Variants in ARHGEF7 observed in about 807,000 individuals in gnomAD.
The protein encoded by ARHGEF7 is Rho guanine nucleotide exchange factor 7.
Under a neutral mutation model 109.8 loss-of-function variants are expected in ARHGEF7, and 33 were observed. That is an observed-to-expected ratio of 0.30 (90% CI 0.23 to 0.40). The LOEUF (loss-of-function observed/expected upper bound fraction) is 0.40, where lower values mean the gene tolerates loss of function less well. Ranked by LOEUF, ARHGEF7 falls within the 10% of genes least tolerant of loss-of-function variation. ARHGEF7 has a pLI of 1.00. For missense variants in ARHGEF7, 938 were observed against 1,098.5 expected (o/e 0.85, Z 2.07); for synonymous variants, 458 against 424.6 (o/e 1.08, Z -0.97).
At chr13:111,298,644 G>T (rs1390601085) in intron 19 of ARHGEF7, among the ~76,000 whole-genome samples, 1 of 152,236 alleles carries the variant, frequency 6.6e-6, no homozygotes, top group Admixed American at 6.5e-5. Flanking sequence ...ATCATATCTT[G>T]CAGTCCTGTC....
intron 9 of ARHGEF7, among the ~76,000 whole-genome samples, chr13:111,271,296 A>G (rs2092126189): frequency 6.6e-6 from 1 of 152,174 alleles, no homozygotes; most frequent in East Asian, 1.9e-4. Context: ...TAGTGGCTGC[A>G]GCAGATGGGA....
At chr13:111,153,213 C>T (rs928797299) in intron 1 of ARHGEF7, among the ~76,000 whole-genome samples, 1 of 152,266 alleles carries the variant, frequency 6.6e-6, no homozygotes, top group African/African-American at 2.4e-5. Flanking sequence ...CAGGTTCTCT[C>T]CCAACGATCA....
intron 1 of ARHGEF7, among the ~76,000 whole-genome samples, chr13:111,130,361 G>A (rs948008566): frequency 4.6e-5 from 7 of 152,118 alleles, no homozygotes; most frequent in Non-Finnish European, 7.4e-5. Flanking sequence ...ACCTCAATAC[G>A]GCATATGACA....
Position 111,301,615 on chromosome 13 carries a change from G to A in ARHGEF7, c.2466+83G>A, listed in dbSNP as rs1417279100. ...AAATTACATTAAAAATAAGCTGGCT[G>A]GGTACGGTGGCTCACACCTATAATC... On this transcript the variant is annotated intron_variant, in intron 21 of 21. Transcript: ENST00000646102. The A allele has an allele frequency of 7.6e-6, 9 of 1,186,810 alleles. No homozygotes were observed. The Admixed American group carries it at 1.6e-4, about 21-fold the overall frequency. The allele number at this position is 1,186,810 out of a possible 1,614,324, so 73.5% of individuals were successfully genotyped here.
chr13:111,247,798 C>T (rs887050371), intron 8 of ARHGEF7, among the ~76,000 whole-genome samples: 10 of 152,152 alleles, frequency 6.6e-5, no homozygotes, highest in African/African-American at 2.4e-4. Context: ...ACTACAGTGG[C>T]AGCAGTGGAG....
chr13:111,220,948 A>T (rs939673863), intron 5 of ARHGEF7, among the ~76,000 whole-genome samples: 4 of 47,408 alleles, frequency 8.4e-5, no homozygotes, highest in Non-Finnish European at 2.5e-4. Flanking sequence ...TTCTCCTGTT[A>T]GTTATATATA....
At chr13:111,118,543 G>A (rs975518931) in intron 1 of ARHGEF7, among the ~76,000 whole-genome samples, 3 of 152,112 alleles carry the variant, frequency 2.0e-5, no homozygotes, top group Non-Finnish European at 4.4e-5. Context: ...GAGGGGTCAG[G>A]ATGTTTGGCT....
At chr13:111,292,037 A>G in intron 18 of ARHGEF7, 81 bp from the exon 19 acceptor site, 2 of 1,199,862 alleles carry the variant, frequency 1.7e-6, no homozygotes, top group Middle Eastern at 2.8e-4. Context: ...CTTTTGTTCC[A>G]TGTTTTGGTT....
At chr13:111,287,904 A>C (rs1346228402) in intron 17 of ARHGEF7, among the ~76,000 whole-genome samples, 1 of 152,256 alleles carries the variant, frequency 6.6e-6, no homozygotes, top group African/African-American at 2.4e-5. Flanking sequence ...GGCCACGTCG[A>C]CACTGAGAGT....
chr13:111,238,187 G>A (rs2087103191), intron 6 of ARHGEF7, among the ~76,000 whole-genome samples: 1 of 152,202 alleles, frequency 6.6e-6, no homozygotes, highest in Non-Finnish European at 1.5e-5. Flanking sequence ...TTGTTGTGTA[G>A]GTAGTTCAGA....
chr13:111,286,339 C>A, intron 17 of ARHGEF7, 99 bp downstream of exon 17: 2 of 976,368 alleles, frequency 2.0e-6, no homozygotes, highest in Non-Finnish European at 3.2e-6. Flanking sequence ...TTTCTGAAGA[C>A]TCCAAACAAA....
chr13:111,216,782 C>G (rs1011393671), intron 4 of ARHGEF7, among the ~76,000 whole-genome samples: 2 of 152,184 alleles, frequency 1.3e-5, no homozygotes, highest in Non-Finnish European at 2.9e-5. Context: ...TGTGCCGGCA[C>G]GAGCAGGCTT....
intron 2 of ARHGEF7, among the ~76,000 whole-genome samples, chr13:111,204,658 A>G (rs989707619): frequency 2.0e-5 from 3 of 152,114 alleles, no homozygotes; most frequent in Non-Finnish European, 2.9e-5. Context: ...TCGTGGTCCC[A>G]GGGCTCTAGA....
intron 1 of ARHGEF7, chr13:111,144,651 C>A (rs769734186): frequency 6.6e-6 from 1 of 152,196 alleles, no homozygotes; most frequent in South Asian, 2.1e-4. Flanking sequence ...GCTAAGCGGA[C>A]TTCTAGAAGG....
At chr13:111,202,882 C>T (rs2081360270) in intron 2 of ARHGEF7, among the ~76,000 whole-genome samples, 1 of 152,232 alleles carries the variant, frequency 6.6e-6, no homozygotes, top group South Asian at 2.1e-4. Flanking sequence ...TTCCCCCTCT[C>T]AGGGGTAAGG....
Position 111,273,532 on chromosome 13 carries a change from A to G in ARHGEF7, c.1074-282A>G, listed in dbSNP as rs531798123. Reference sequence around the variant, plus strand: ...TGTCTGCATGGCACTGATGTGCTGGAGGACCTCGCCATCAGTAGGATCTCA... The same window carrying G: ...TGTCTGCATGGCACTGATGTGCTGGGGGACCTCGCCATCAGTAGGATCTCA... On this transcript the variant is annotated intron_variant, in intron 9 of 21. Coordinates refer to ENST00000646102, the MANE Select transcript of ARHGEF7 (RefSeq NM_001354046.2). The surrounding 1 kb of genome is among the most constrained non-coding windows in gnomAD (Gnocchi z 4.5). Among the ~76,000 whole-genome samples, 12 of 152,294 alleles carry G rather than the reference A, an allele frequency of 7.9e-5. No homozygotes were observed. The highest frequency in any genetic ancestry group is 1.3e-4 in the Admixed American group (2 of 15,302).
intron 1 of ARHGEF7, among the ~76,000 whole-genome samples, chr13:111,133,976 C>T (rs1435793349): frequency 1.3e-5 from 2 of 150,166 alleles, no homozygotes; most frequent in Non-Finnish European, 3.0e-5. Flanking sequence ...CAACAGGCCC[C>T]GGTGTGTGAT....
chr13:111,243,995 G>A lies in ARHGEF7; in HGVS notation c.854+29G>A, dbSNP rs144502868. On this transcript the variant is annotated intron_variant, in intron 7 of 21. Coordinates refer to ENST00000646102, the MANE Select transcript of ARHGEF7 (RefSeq NM_001354046.2). ...AGTTAGATGATAAATTGCATTAACT[G>A]TAAAATAGTCTAAACCTTAGGCTGT... is the stretch of plus-strand genomic sequence containing the variant. The A allele has an allele frequency of 1.1e-4, 172 of 1,541,312 alleles. No homozygotes were observed. In the African/African-American group the frequency reaches 2.0e-3, roughly 18 times the overall value.
chr13:111,153,421 G>A (rs942706775), intron 1 of ARHGEF7, among the ~76,000 whole-genome samples: 1 of 152,192 alleles, frequency 6.6e-6, no homozygotes, highest in Non-Finnish European at 1.5e-5. Flanking sequence ...TGTCGGCTGC[G>A]TCCGCGGGGC....
Sources: allele counts gnomAD v4.1 joint callset (sites outside exome capture counted in the v4.1 genomes callset), GRCh38; gene constraint gnomAD v4.1.1; non-coding constraint Gnocchi (gnomAD v3.1); transcripts MANE v1.5; gene names NCBI Gene and HGNC (gene_info 2026-07-23, HGNC 2026-07-21).